The following TMEM132D variants were observed in gnomAD, a reference collection of about 807,000 sequenced individuals.
TMEM132D encodes mature OL transmembrane protein.
In TMEM132D, 21 loss-of-function variants were observed where a neutral mutation model predicts 62.3. That is an observed-to-expected ratio of 0.34 (90% confidence interval 0.24 to 0.49). TMEM132D has a LOEUF of 0.49. Among genes scored for constraint, TMEM132D ranks in the 20% least tolerant of loss-of-function variants. The pLI, the probability that TMEM132D is intolerant of heterozygous loss-of-function variation, is 0.99. For synonymous variants in TMEM132D, 621 were observed against 575.6 expected, an observed-to-expected ratio of 1.08 and a Z score of -1.13; for missense variants, 1,346 against 1,402.8, an observed-to-expected ratio of 0.96 and a Z score of 0.65.
At chr12:129,604,995 C>A (rs1878576573) in intron 2 of TMEM132D, among the ~76,000 whole-genome samples, 1 of 152,202 alleles carries the variant, frequency 6.6e-6, no homozygotes, top group African/African-American at 2.4e-5. Context: ...CTTTAGTAAT[C>A]TCTCAGTATG....
At chr12:129,225,639 G>A (rs1879460756) in intron 4 of TMEM132D, among the ~76,000 whole-genome samples, 1 of 152,178 alleles carries the variant, frequency 6.6e-6, no homozygotes, top group Non-Finnish European at 1.5e-5. Flanking sequence ...CGCAGGCAAA[G>A]TGTTAAAGCA....
chr12:129,153,495 C>A (rs147216231), intron 5 of TMEM132D, among the ~76,000 whole-genome samples: 1 of 151,978 alleles, frequency 6.6e-6, no homozygotes, highest in African/African-American at 2.4e-5. Context: ...CAGGCTGTGC[C>A]GTGAAGAATG....
chr12:129,353,484 C>A (rs1869938881), intron 3 of TMEM132D, among the ~76,000 whole-genome samples: 1 of 152,054 alleles, frequency 6.6e-6, no homozygotes, highest in African/African-American at 2.4e-5. Flanking sequence ...TCCTGCCAGC[C>A]CCCCTCTTCT....
At chr12:129,688,583 T>C (rs1394895444) in intron 2 of TMEM132D, among the ~76,000 whole-genome samples, 1 of 152,094 alleles carries the variant, frequency 6.6e-6, no homozygotes, top group African/African-American at 2.4e-5. Context: ...ATGTAGAGCC[T>C]AGCCAAAGAA....
intron 3 of TMEM132D, among the ~76,000 whole-genome samples, chr12:129,518,590 A>C (rs1427648640): frequency 6.6e-6 from 1 of 150,862 alleles, no homozygotes; most frequent in African/African-American, 2.4e-5. Flanking sequence ...CATATATATA[A>C]AAATATGCAC....
chr12:129,468,073 T>C (rs1332957711), intron 3 of TMEM132D, among the ~76,000 whole-genome samples: 1 of 152,174 alleles, frequency 6.6e-6, no homozygotes, highest in African/African-American at 2.4e-5. Context: ...AAATATATTT[T>C]TCTACCCAGG....
At chr12:129,302,457 G>A (rs1267257312) in intron 4 of TMEM132D, among the ~76,000 whole-genome samples, 1 of 152,212 alleles carries the variant, frequency 6.6e-6, no homozygotes, top group African/African-American at 2.4e-5. Flanking sequence ...TGTCTCCGAG[G>A]GCTCTCCATT....
chr12:129,159,532 A>G (rs953626817), intron 5 of TMEM132D, among the ~76,000 whole-genome samples: 8 of 152,110 alleles, frequency 5.3e-5, no homozygotes, highest in African/African-American at 1.9e-4. Flanking sequence ...TGAGGTGGGC[A>G]GATCACTTGA....
chr12:129,085,335 C>T (rs1346385505), intron 5 of TMEM132D: 2 of 152,542 alleles, frequency 1.3e-5, no homozygotes, highest in African/African-American at 4.8e-5. Flanking sequence ...TGAGGCCCGT[C>T]CTGCAGAGTT....
chr12:129,458,141 G>C (rs979355720), intron 3 of TMEM132D, among the ~76,000 whole-genome samples: 1 of 152,036 alleles, frequency 6.6e-6, no homozygotes, highest in African/African-American at 2.4e-5. Context: ...TCCCCTCTTG[G>C]GTCTTACATG....
chr12:129,185,935 T>C (rs1429716038), intron 5 of TMEM132D, among the ~76,000 whole-genome samples: 2 of 152,208 alleles, frequency 1.3e-5, no homozygotes, highest in East Asian at 3.8e-4. Flanking sequence ...TAAAGTTCTT[T>C]TGCTCTGACA....
At chr12:129,485,597 TC>T (rs1349778122) in intron 3 of TMEM132D, among the ~76,000 whole-genome samples, 1 of 152,178 alleles carries the variant, frequency 6.6e-6, no homozygotes, top group Non-Finnish European at 1.5e-5. Flanking sequence ...GCCAGTGTAC[TC>T]CCTACAGGAA....
intron 1 of TMEM132D, among the ~76,000 whole-genome samples, chr12:129,727,980 G>C (rs749785562): frequency 6.6e-6 from 1 of 152,128 alleles, no homozygotes; most frequent in African/African-American, 2.4e-5. Context: ...GTTCTTTTCT[G>C]ATCACCGGCT....
intron 3 of TMEM132D, among the ~76,000 whole-genome samples, chr12:129,514,082 G>C (rs567438382): frequency 6.6e-6 from 1 of 150,740 alleles, no homozygotes; most frequent in African/African-American, 2.4e-5. Flanking sequence ...CTTGTGATCC[G>C]CCCGCCTCGG....
At chr12:129,306,622 C>G (rs1881851847) in intron 4 of TMEM132D, among the ~76,000 whole-genome samples, 1 of 152,170 alleles carries the variant, frequency 6.6e-6, no homozygotes, top group Non-Finnish European at 1.5e-5. Context: ...TTTAATTCCT[C>G]CTATGTGGCA....
intron 1 of TMEM132D, among the ~76,000 whole-genome samples, chr12:129,715,886 G>A (rs1465444025): frequency 2.0e-5 from 3 of 152,146 alleles, no homozygotes; most frequent in African/African-American, 7.2e-5. Flanking sequence ...TGCCAGGCAC[G>A]GCTGCACGTC....
intron 3 of TMEM132D, among the ~76,000 whole-genome samples, chr12:129,357,442 AAAG>A (rs1198026749): frequency 1.3e-5 from 2 of 151,288 alleles, no homozygotes; most frequent in Non-Finnish European, 2.9e-5. Context: ...GGAAAGAAAA[AAAG>A]AAAAAGCGAG....
intron 3 of TMEM132D, among the ~76,000 whole-genome samples, chr12:129,359,105 A>G (rs1474536655): frequency 6.6e-6 from 1 of 152,242 alleles, no homozygotes; most frequent in Non-Finnish European, 1.5e-5. Context: ...AGAAGGAAAG[A>G]AGTTCCGAGT....
chr12:129,543,317 G>A (rs1235405173), intron 2 of TMEM132D, among the ~76,000 whole-genome samples: 1 of 148,710 alleles, frequency 6.7e-6, no homozygotes, highest in Non-Finnish European at 1.5e-5. Flanking sequence ...TGGATAGATG[G>A]ATGGATGGAT....
Sources: allele counts gnomAD v4.1 joint callset (sites outside exome capture counted in the v4.1 genomes callset), GRCh38; gene constraint gnomAD v4.1.1; transcripts MANE v1.5; gene names NCBI Gene and HGNC (gene_info 2026-07-23, HGNC 2026-07-21).